ASIC2: variants seen among roughly 807,000 people sequenced by gnomAD.
ASIC2 encodes acid-sensing ion channel 2.
In ASIC2, 25 loss-of-function variants were observed where a neutral mutation model predicts 57.3. The ratio of observed to expected loss-of-function variants is 0.44; its 90% CI spans 0.32 to 0.61. ASIC2 has a LOEUF of 0.61. ASIC2 is among the 20% of genes least tolerant of loss of function. ASIC2 has a pLI of 0.06. For synonymous variants in ASIC2, 319 were observed against 307.5 expected, an observed-to-expected ratio of 1.04 and a Z score of -0.39; for missense variants, 641 against 738.1, an observed-to-expected ratio of 0.87 and a Z score of 1.52.
At chr17:33,126,268 G>T (rs990951193) in intron 1 of ASIC2, among the ~76,000 whole-genome samples, 10 of 152,218 alleles carry the variant, frequency 6.6e-5, no homozygotes, top group African/African-American at 2.4e-4. Flanking sequence ...GTTCTATGGG[G>T]CCTGAGTCAT....
rs1334885902 is a variant in ASIC2 at position 33,668,119 on chromosome 17, A to C, written c.555+487859T>G. 5.3e-5 allele frequency among the ~76,000 whole-genome samples: 8 copies of C among 151,916 alleles called. No individual in the cohort carries two copies. The East Asian group carries it at 1.5e-3, about 29-fold the overall frequency. The stretch of plus-strand genomic sequence containing the variant: ...TGTGAACCGCGCTGGCGTGTCTGGA[A>C]CTCCACCCTGTGCCTGCCCACATAC... On this transcript the variant is annotated intron_variant, in intron 1 of 9. Transcript: ENST00000359872.
At chr17:33,455,030 A>G (rs1912399492) in intron 1 of ASIC2, among the ~76,000 whole-genome samples, 1 of 152,204 alleles carries the variant, frequency 6.6e-6, no homozygotes, top group South Asian at 2.1e-4. Flanking sequence ...ATATACACAG[A>G]TCCTGTGTCT....
At chr17:33,079,204 C>T (rs1181487218) in intron 3 of ASIC2, among the ~76,000 whole-genome samples, 2 of 152,278 alleles carry the variant, frequency 1.3e-5, no homozygotes, top group East Asian at 3.9e-4. Flanking sequence ...AGAATCATAT[C>T]CCCAAAGAAT....
chr17:34,031,515 T>C (rs1907610641), intron 1 of ASIC2, among the ~76,000 whole-genome samples: 1 of 152,100 alleles, frequency 6.6e-6, no homozygotes, highest in African/African-American at 2.4e-5. Context: ...GCATGGACAA[T>C]GACTTTGACG....
At chr17:33,505,720 A>G (rs1356467723) in intron 1 of ASIC2, among the ~76,000 whole-genome samples, 1 of 152,200 alleles carries the variant, frequency 6.6e-6, no homozygotes, top group Non-Finnish European at 1.5e-5. Flanking sequence ...GTCTCAGCAC[A>G]TCCCGATCTC....
intron 1 of ASIC2, among the ~76,000 whole-genome samples, chr17:33,697,804 C>A (rs1008247074): frequency 6.6e-6 from 1 of 152,192 alleles, no homozygotes; most frequent in Non-Finnish European, 1.5e-5. Flanking sequence ...AGTGATATAT[C>A]TTCATATGAT....
At chr17:33,824,066 A>T (rs1444586474) in intron 1 of ASIC2, among the ~76,000 whole-genome samples, 1 of 152,194 alleles carries the variant, frequency 6.6e-6, no homozygotes, top group Non-Finnish European at 1.5e-5. Context: ...AACAGAGAAA[A>T]CATGGAGATT....
At chr17:34,111,061 TAAAAATAC>T (rs999567667) in intron 1 of ASIC2, among the ~76,000 whole-genome samples, 1 of 151,824 alleles carries the variant, frequency 6.6e-6, no homozygotes, top group Non-Finnish European at 1.5e-5. Context: ...CTGTCTCTAC[TAAAAATAC>T]AAAAAAGTTA....
intron 1 of ASIC2, among the ~76,000 whole-genome samples, chr17:33,855,887 G>T (rs1913914116): frequency 6.6e-6 from 1 of 152,096 alleles, no homozygotes; most frequent in Non-Finnish European, 1.5e-5. Context: ...GATTCATTTT[G>T]CACAATCCAA....
chr17:33,478,294 A>G (rs879857427), intron 1 of ASIC2, among the ~76,000 whole-genome samples: 7 of 152,214 alleles, frequency 4.6e-5, no homozygotes, highest in Non-Finnish European at 8.8e-5. Flanking sequence ...TTGGGCGCCC[A>G]GGGGCTAGGG....
chr17:33,579,267 C>A (rs933658835), intron 1 of ASIC2, among the ~76,000 whole-genome samples: 3 of 132,772 alleles, frequency 2.3e-5, no homozygotes, highest in Non-Finnish European at 4.6e-5. Flanking sequence ...GCCTGGGTAG[C>A]ACGAATGAAA....
intron 1 of ASIC2, among the ~76,000 whole-genome samples, chr17:34,056,196 AC>A (rs1908760044): frequency 6.6e-6 from 1 of 152,210 alleles, no homozygotes; most frequent in Admixed American, 6.5e-5. Context: ...TGGAGGAAGA[AC>A]AATAATTTAG....
chr17:33,235,666 C>T (rs979205839), intron 1 of ASIC2, among the ~76,000 whole-genome samples: 3 of 152,206 alleles, frequency 2.0e-5, no homozygotes, highest in Non-Finnish European at 4.4e-5. Flanking sequence ...GCAGAAGGAA[C>T]CTGCCCTGGA....
intron 1 of ASIC2, among the ~76,000 whole-genome samples, chr17:33,441,160 G>T (rs1254370031): frequency 6.6e-6 from 1 of 151,974 alleles, no homozygotes; most frequent in Non-Finnish European, 1.5e-5. Context: ...TTTTTTTGTA[G>T]GGATGGGGTC....
chr17:33,592,171 A>G (rs978193791), intron 1 of ASIC2, among the ~76,000 whole-genome samples: 1 of 152,204 alleles, frequency 6.6e-6, no homozygotes, highest in African/African-American at 2.4e-5. Flanking sequence ...TGGAACTTCC[A>G]TTCTATCTTA....
intron 1 of ASIC2, among the ~76,000 whole-genome samples, chr17:33,317,234 A>G (rs534975879): frequency 1.6e-4 from 25 of 152,256 alleles, no homozygotes; most frequent in Middle Eastern, 3.4e-3. Flanking sequence ...CAGTGCTGTG[A>G]TTCCCATGTT....
chr17:33,265,732 T>C (rs17184364), intron 1 of ASIC2, among the ~76,000 whole-genome samples: 28,383 of 152,124 alleles, frequency 0.19, 3,012 homozygotes, highest in South Asian at 0.3. Flanking sequence ...CCTTCTTGGA[T>C]TGGGTGTCTT....
intron 1 of ASIC2, among the ~76,000 whole-genome samples, chr17:33,334,318 T>C (rs1192942101): frequency 6.6e-6 from 1 of 152,160 alleles, no homozygotes; most frequent in Non-Finnish European, 1.5e-5. Context: ...AGAAAGTCAT[T>C]AAAGGAGTGA....
At chr17:33,799,863 G>C (rs1041767044) in intron 1 of ASIC2, among the ~76,000 whole-genome samples, 1 of 152,148 alleles carries the variant, frequency 6.6e-6, no homozygotes, top group Admixed American at 6.5e-5. Context: ...TATACAACCT[G>C]CACGGCCAAC....
Sources: allele counts gnomAD v4.1 joint callset (sites outside exome capture counted in the v4.1 genomes callset), GRCh38; gene constraint gnomAD v4.1.1; transcripts MANE v1.5; gene names NCBI Gene and HGNC (gene_info 2026-07-23, HGNC 2026-07-21).